The following DCAF17 variants were observed in gnomAD, a reference collection of about 807,000 sequenced individuals.
DCAF17 encodes the protein DDB1- and CUL4-associated factor 17.
DCAF17 carries 48 observed loss-of-function variants against 66.0 expected under a neutral mutation model. The observed-to-expected ratio is 0.73, with a 90% CI of 0.58 to 0.92. The LOEUF (loss-of-function observed/expected upper bound fraction) is 0.92. DCAF17 is among the 40% of genes least tolerant of loss of function. DCAF17 has a pLI of 0.00. For missense variants in DCAF17, 562 were observed against 622.8 expected, an observed-to-expected ratio of 0.90 and a Z score of 1.04; for synonymous variants, 206 against 214.6, an observed-to-expected ratio of 0.96 and a Z score of 0.35.
In DCAF17 at chr2:171,457,847, A is replaced by C; in HGVS notation, c.628-124A>C. ...AGGTGATAAATTATAATGAGGTTTT[A>C]ATGCTAGGCGGCAGTGTTATCATAG... On this transcript the variant is annotated intron_variant, in intron 6 of 13. Transcript: ENST00000375255. The C allele has an allele frequency of 2.4e-6, 2 of 835,544 alleles. 1 individual carries two copies. Among genetic ancestry groups the C allele is most frequent in the Non-Finnish European group, 4.2e-6 (2 of 476,558 alleles). The allele number at this position is 835,544 out of a possible 1,614,324, so 51.8% of individuals were successfully genotyped here.
In DCAF17 at chr2:171,469,010, G is replaced by A; in HGVS notation, c.961G>A (p.Ala321Thr). The A allele has an allele frequency of 6.2e-7, 1 of 1,613,974 alleles. No individual in the cohort carries two copies. Among genetic ancestry groups the A allele is most frequent in the Non-Finnish European group, 8.5e-7 (1 of 1,179,966 alleles). Reference protein sequence around the residue: ...KKQKGVFHICALKDNSLAKNG... With the variant: ...KKQKGVFHICTLKDNSLAKNG... ...ACAGAAAGGAGTTTTCCATATTTGTGCCCTAAAAGACAATTCCCTGGTAAA... is the reference window on the plus strand; with the variant it reads ...ACAGAAAGGAGTTTTCCATATTTGTACCCTAAAAGACAATTCCCTGGTAAA... The change falls in exon 9 of 14, where the codon GCC becomes ACC. Residue 321 changes from alanine to threonine, a missense_variant. Physicochemically the swap from Ala to Thr is moderately conservative, Grantham distance 58. This residue lies in a region of DCAF17 where 201 missense variants were observed against 231.1 expected (regional missense o/e 0.87). Coordinates refer to ENST00000375255, the MANE Select transcript of DCAF17 (RefSeq NM_025000.4).
At chr2:171,443,344 CTTG>C (rs1304595127) in intron 2 of DCAF17, 176 bp from the exon 3 acceptor site, 1 of 524,082 alleles carries the variant, frequency 1.9e-6, no homozygotes, top group Non-Finnish European at 3.2e-6. Flanking sequence ...CTATTTTAAT[CTTG>C]TTTTTTTTTA....
At chr2:171,474,082 A>AG in intron 10 of DCAF17, 107 bp downstream of exon 10, 1 of 900,978 alleles carries the variant, frequency 1.1e-6, no homozygotes, top group Non-Finnish European at 1.8e-6. Context: ...GGAAATAATT[A>AG]GCTTGTTGTT....
At chr2:171,479,112 ATAACG>A (rs1696627720) in intron 12 of DCAF17, among the ~76,000 whole-genome samples, 1 of 152,248 alleles carries the variant, frequency 6.6e-6, no homozygotes, top group African/African-American at 2.4e-5. Context: ...CAAAAAGGAA[ATAACG>A]TAAAAGTACA....
chr2:171,463,627 A>G (rs1394572396), intron 8 of DCAF17, among the ~76,000 whole-genome samples: 3 of 152,258 alleles, frequency 2.0e-5, no homozygotes, highest in Admixed American at 6.5e-5. Context: ...CAAATGAACC[A>G]TAATTTACTT....
In DCAF17 at chr2:171,483,334, G is replaced by A. The variant is rs926670320; in HGVS notation, c.*2220G>A. Reference sequence around the variant, plus strand: ...TAGTGACAGGTACAAAACATTATGGGTAACAATTCTGAGTGTTTAATGCAA... The same window carrying A: ...TAGTGACAGGTACAAAACATTATGGATAACAATTCTGAGTGTTTAATGCAA... On this transcript the variant is annotated 3_prime_UTR_variant, in exon 14 of 14. Coordinates refer to ENST00000375255, the MANE Select transcript of DCAF17 (RefSeq NM_025000.4). The A allele has an allele frequency of 8.8e-6, 4 of 453,948 alleles. No homozygotes were observed. The Admixed American group carries it at 9.4e-5, about 11-fold the overall frequency. 28.1% of individuals were successfully genotyped at this position (453,948 alleles called of 1,614,324 possible). A position where few individuals can be genotyped will look rare whatever the true frequency, so the allele number is the denominator to read the frequency against.
At chr2:171,450,081 G>A (rs2105753900) in intron 5 of DCAF17, 124 bp downstream of exon 5, 6 of 822,920 alleles carry the variant, frequency 7.3e-6, no homozygotes, top group Middle Eastern at 2.9e-4. Context: ...TAGGATTCAC[G>A]GCAACCTGGA....
chr2:171,474,143 G>T, intron 10 of DCAF17, 168 bp downstream of exon 10: 1 of 654,704 alleles, frequency 1.5e-6, no homozygotes, highest in Non-Finnish European at 2.8e-6. Context: ...TATTCTTTGA[G>T]ACTCAACATT....
intron 8 of DCAF17, 133 bp from the exon 9 acceptor site, chr2:171,468,755 C>A: frequency 8.1e-7 from 1 of 1,232,986 alleles, no homozygotes; most frequent in Non-Finnish European, 1.2e-6. Context: ...TATTTTATTT[C>A]CTTGAACATA....
chr2:171,453,358 A>G, intron 6 of DCAF17, 145 bp downstream of exon 6: 1 of 624,868 alleles, frequency 1.6e-6, no homozygotes, highest in Non-Finnish European at 2.7e-6. Context: ...GTAACAAAAT[A>G]CATGAGAACA....
chr2:171,477,847 T>G, intron 11 of DCAF17, 140 bp from the exon 12 acceptor site: 2 of 721,610 alleles, frequency 2.8e-6, no homozygotes, highest in Non-Finnish European at 4.9e-6. Flanking sequence ...GAAATCTGAT[T>G]CAGAATTTTC....
chr2:171,439,978 C>T (rs1273167872), intron 2 of DCAF17, among the ~76,000 whole-genome samples: 1 of 151,842 alleles, frequency 6.6e-6, no homozygotes, highest in African/African-American at 2.4e-5. Context: ...AGAAATGAGG[C>T]GTTGCTTTGT....
intron 4 of DCAF17, among the ~76,000 whole-genome samples, 173 bp from the exon 5 acceptor site, chr2:171,449,706 T>C (rs1206453251): frequency 6.6e-6 from 1 of 152,178 alleles, no homozygotes; most frequent in Non-Finnish European, 1.5e-5. Context: ...TAGGGATATG[T>C]CCATATGGGG....
At chr2:171,464,702 C>A (rs567913500) in intron 8 of DCAF17, among the ~76,000 whole-genome samples, 4 of 152,058 alleles carry the variant, frequency 2.6e-5, no homozygotes, top group Non-Finnish European at 5.9e-5. Context: ...ACTTTTAGGT[C>A]CTTTAAATGA....
At chr2:171,465,636 C>T (rs1376381359) in intron 8 of DCAF17, among the ~76,000 whole-genome samples, 5 of 152,088 alleles carry the variant, frequency 3.3e-5, no homozygotes, top group African/African-American at 1.2e-4. Context: ...CACACCACCA[C>T]ACCTGGCTAA....
At chr2:171,448,636 C>G (rs1031974950) in intron 3 of DCAF17, 45 bp from the exon 4 acceptor site, 2 of 1,497,212 alleles carry the variant, frequency 1.3e-6, no homozygotes, top group Non-Finnish European at 1.8e-6. Flanking sequence ...GCAAATTGTT[C>G]ATGGCCAAGC....
At position 171,483,758 on chromosome 2, in the gene DCAF17, A is replaced by G. The variant is rs533754425; in HGVS notation, c.*2644A>G. ...AATATTCAGAATAACCACATGAAGT[A>G]TGAACTGCCATTATCTTTCCCCTTT... is the stretch of plus-strand genomic sequence containing the variant. On this transcript the variant is annotated 3_prime_UTR_variant, in exon 14 of 14. Coordinates refer to ENST00000375255, the MANE Select transcript of DCAF17 (RefSeq NM_025000.4). 2.0e-4 allele frequency: 90 copies of G among 454,012 alleles called. No individual in the cohort carries two copies. Among genetic ancestry groups the G allele is most frequent in the Non-Finnish European group, 3.1e-4 (70 of 226,802 alleles). 28.1% of individuals were successfully genotyped at this position (454,012 alleles called of 1,614,324 possible).
chr2:171,456,515 T>C (rs1695271407), intron 6 of DCAF17, among the ~76,000 whole-genome samples: 1 of 152,226 alleles, frequency 6.6e-6, no homozygotes, highest in Admixed American at 6.5e-5. Flanking sequence ...AATTCTAAAA[T>C]AGTTTTTTCT....
chr2:171,483,323 A>G lies in DCAF17; in HGVS notation c.*2209A>G, dbSNP rs1306142888. 2.2e-6 allele frequency: 1 copy of G among 454,110 alleles called. No homozygotes were observed. The allele number at this position is 454,110 out of a possible 1,614,324, so 28.1% of individuals were successfully genotyped here. A position where few individuals can be genotyped will look rare whatever the true frequency, so the allele number is the denominator to read the frequency against. ...TTAACAGGTACTAGTGACAGGTACA[A>G]AACATTATGGGTAACAATTCTGAGT... is the stretch of plus-strand genomic sequence containing the variant. On this transcript the variant is annotated 3_prime_UTR_variant, in exon 14 of 14. Transcript: ENST00000375255.
Sources: gnomAD v4.1 joint callset for allele counts (sites outside exome capture counted in the v4.1 genomes callset) on GRCh38, gnomAD v4.1.1 for gene constraint, gnomAD v4.1.1 regional missense constraint, MANE v1.5 for transcripts, NCBI Gene and HGNC (gene_info 2026-07-23, HGNC 2026-07-21) for gene names.